CDK19: variants seen among roughly 807,000 people sequenced by gnomAD.
The protein encoded by CDK19 is cyclin-dependent kinase 19.
In CDK19, 20 loss-of-function variants were observed where a neutral mutation model predicts 68.3. The ratio of observed to expected loss-of-function variants is 0.29; its 90% CI spans 0.21 to 0.43. The LOEUF is 0.43. Ranked by LOEUF, CDK19 falls within the 20% of genes least tolerant of loss-of-function variation. The pLI, the probability that CDK19 is intolerant of heterozygous loss-of-function variation, is 1.00. For synonymous variants in CDK19, 221 were observed against 222.8 expected (o/e 0.99, Z 0.07); for missense variants, 339 against 623.5 (o/e 0.54, Z 4.86).
intron 1 of CDK19, among the ~76,000 whole-genome samples, chr6:110,812,143 CAG>C (rs1375627335): frequency 6.7e-6 from 1 of 150,214 alleles, no homozygotes; most frequent in African/African-American, 2.5e-5. Context: ...TTTTTTGAGA[CAG>C]AGTCTCGCTC....
chr6:110,765,953 G>A (rs1217324848), intron 1 of CDK19, among the ~76,000 whole-genome samples: 2 of 152,068 alleles, frequency 1.3e-5, no homozygotes, highest in African/African-American at 4.8e-5. Flanking sequence ...AATAACAAAT[G>A]TTGGCAAGGA....
intron 1 of CDK19, among the ~76,000 whole-genome samples, chr6:110,756,037 A>T (rs563031121): frequency 6.6e-6 from 1 of 152,302 alleles, no homozygotes; most frequent in East Asian, 1.9e-4. Context: ...AGGCAGGCAG[A>T]TCACTGAGAT....
At chr6:110,646,142 C>A in intron 4 of CDK19, 1 of 938,796 alleles carries the variant, frequency 1.1e-6, no homozygotes, top group Non-Finnish European at 1.6e-6. Flanking sequence ...CTAACACCTT[C>A]GGCATGGAGA....
intron 4 of CDK19, among the ~76,000 whole-genome samples, chr6:110,663,132 A>G (rs1337842599): frequency 6.6e-6 from 1 of 152,178 alleles, no homozygotes; most frequent in Non-Finnish European, 1.5e-5. Context: ...ATTTAATTAT[A>G]TGGATTTTCC....
chr6:110,697,201 G>C (rs1773552214), intron 2 of CDK19, among the ~76,000 whole-genome samples: 2 of 151,866 alleles, frequency 1.3e-5, no homozygotes, highest in South Asian at 4.2e-4. Flanking sequence ...TTGCACTCCA[G>C]CCCGGGCAAC....
chr6:110,696,659 C>T (rs1218507423), intron 2 of CDK19, among the ~76,000 whole-genome samples: 3 of 152,262 alleles, frequency 2.0e-5, no homozygotes, highest in East Asian at 3.9e-4. Context: ...TGGTGGCTCA[C>T]GTCTGTAATC....
intron 1 of CDK19, among the ~76,000 whole-genome samples, chr6:110,759,426 AAAAT>A (rs1480557690): frequency 3.2e-5 from 3 of 92,716 alleles, no homozygotes; most frequent in South Asian, 3.2e-4. Context: ...AAAAAAAAAA[AAAAT>A]ATATATATAT....
intron 1 of CDK19, among the ~76,000 whole-genome samples, chr6:110,759,398 C>G (rs1239831559): frequency 1.0e-5 from 1 of 98,028 alleles, no homozygotes; most frequent in African/African-American, 4.5e-5. Flanking sequence ...GAGTGAGACT[C>G]CGTCTTAAAA....
At chr6:110,773,984 A>C (rs750508614) in intron 1 of CDK19, 1 of 152,202 alleles carries the variant, frequency 6.6e-6, no homozygotes, top group African/African-American at 2.4e-5. Flanking sequence ...ATGTAGATTT[A>C]AAGTTACACT....
intron 1 of CDK19, among the ~76,000 whole-genome samples, chr6:110,752,300 T>C (rs776934437): frequency 6.6e-6 from 1 of 152,226 alleles, no homozygotes; most frequent in African/African-American, 2.4e-5. Flanking sequence ...TTATTTCTAC[T>C]GCCTCTACTT....
chr6:110,787,509 C>A (rs879350133), intron 1 of CDK19, among the ~76,000 whole-genome samples: 1 of 149,974 alleles, frequency 6.7e-6, no homozygotes, highest in Non-Finnish European at 1.5e-5. Flanking sequence ...TGCAGTGGAA[C>A]AATCACAGCT....
chr6:110,641,646 AAAGGAAGG>A (rs71553305), intron 4 of CDK19, among the ~76,000 whole-genome samples: 544 of 131,460 alleles, frequency 4.1e-3, no homozygotes, highest in Middle Eastern at 7.6e-3. Context: ...AAAGGGAAAG[AAAGGAAGG>A]AAGGAAGGAA....
intron 4 of CDK19, among the ~76,000 whole-genome samples, chr6:110,651,232 A>ATCTATCTAT (rs142094350): frequency 4.7e-5 from 7 of 149,936 alleles, no homozygotes; most frequent in African/African-American, 1.7e-4. Context: ...AAATAGATCT[A>ATCTATCTAT]CTATCTATCT....
intron 2 of CDK19, among the ~76,000 whole-genome samples, chr6:110,671,611 A>G (rs1386307069): frequency 1.3e-5 from 2 of 152,212 alleles, no homozygotes; most frequent in African/African-American, 4.8e-5. Context: ...ATAGCTAGAA[A>G]GAGAAGGGGT....
chr6:110,755,229 TG>T (rs1291274833), intron 1 of CDK19, among the ~76,000 whole-genome samples: 1 of 151,852 alleles, frequency 6.6e-6, no homozygotes, highest in East Asian at 1.9e-4. Flanking sequence ...TTGGTAGAGA[TG>T]GGGTTTCGCT....
Position 110,613,756 on chromosome 6 carries a change from TA to T in CDK19, c.*778del. 1 of 152,612 alleles carries T rather than the reference TA, an allele frequency of 6.6e-6. No homozygotes were observed. The highest frequency in any genetic ancestry group is 1.5e-5 in the Non-Finnish European group (1 of 68,032). The allele number at this position is 152,612 out of a possible 1,614,324, so 9.5% of individuals were successfully genotyped here. On this transcript the variant is annotated 3_prime_UTR_variant, in exon 13 of 13. Coordinates refer to ENST00000368911, the MANE Select transcript of CDK19 (RefSeq NM_015076.5). ...CTTGAAACCCTTTTTAAGGTAGACTTAGCTACATGAAGGTTAAAATTGTAAT... is the reference window on the plus strand; with the variant it reads ...CTTGAAACCCTTTTTAAGGTAGACTTGCTACATGAAGGTTAAAATTGTAAT...
At chr6:110,776,322 G>A (rs1016081172) in intron 1 of CDK19, among the ~76,000 whole-genome samples, 22 of 151,914 alleles carry the variant, frequency 1.4e-4, no homozygotes, top group African/African-American at 5.3e-4. Flanking sequence ...CCAGCTGCTC[G>A]AGAGGCTGAG....
At chr6:110,644,542 TA>T in intron 4 of CDK19, among the ~76,000 whole-genome samples, 1 of 152,320 alleles carries the variant, frequency 6.6e-6, no homozygotes, top group East Asian at 1.9e-4. Context: ...ACACAAAGGA[TA>T]AATGCTTGAG....
intron 1 of CDK19, among the ~76,000 whole-genome samples, chr6:110,782,393 C>G (rs1780884470): frequency 6.6e-6 from 1 of 152,082 alleles, no homozygotes; most frequent in African/African-American, 2.4e-5. Context: ...TGAACTTTTC[C>G]CCAGTTCTGC....
Sources: gnomAD v4.1 joint callset for allele counts (sites outside exome capture counted in the v4.1 genomes callset) on GRCh38, gnomAD v4.1.1 for gene constraint, MANE v1.5 for transcripts, NCBI Gene and HGNC (gene_info 2026-07-23, HGNC 2026-07-21) for gene names.